RNLS: variants seen among roughly 807,000 people sequenced by gnomAD.
The protein encoded by RNLS is renalase, FAD dependent amine oxidase, also known as renalase.
Under a neutral mutation model 39.8 loss-of-function variants are expected in RNLS, and 39 were observed. That is an observed-to-expected ratio of 0.98 (90% CI 0.76 to 1.28). RNLS has a LOEUF of 1.28. RNLS is among the 50% of genes most tolerant of loss of function. The probability of loss-of-function intolerance (pLI) is 0.00; values close to 1 mark genes in which losing one functional copy is unlikely to be tolerated. For missense variants in RNLS, 410 were observed against 413.3 expected (o/e 0.99, Z 0.07); for synonymous variants, 147 against 150.7 (o/e 0.98, Z 0.18).
At chr10:88,453,026 G>A (rs911192907) in intron 4 of RNLS, among the ~76,000 whole-genome samples, 4 of 152,164 alleles carry the variant, frequency 2.6e-5, no homozygotes, top group Non-Finnish European at 5.9e-5. Flanking sequence ...TGAATGGTTG[G>A]ATAGTGGAGG....
chr10:88,556,310 C>T (rs1184168112), intron 4 of RNLS, among the ~76,000 whole-genome samples: 2 of 152,134 alleles, frequency 1.3e-5, no homozygotes, highest in African/African-American at 2.4e-5. Flanking sequence ...AATGAGGGAT[C>T]CTTGTACATC....
chr10:88,531,354 T>C (rs887152938), intron 4 of RNLS, among the ~76,000 whole-genome samples: 1 of 151,858 alleles, frequency 6.6e-6, no homozygotes, highest in South Asian at 2.1e-4. Flanking sequence ...TTTAAACTCA[T>C]CTTTTAGATA....
At chr10:88,204,381 A>G in the RNLS span, among the ~76,000 whole-genome samples, 1 of 152,138 alleles carries the variant, frequency 6.6e-6, no homozygotes, top group Non-Finnish European at 1.5e-5. Context: ...CGTGTCTTGT[A>G]TGCAGTTGCA....
chr10:88,482,326 C>T (rs1844236381), intron 4 of RNLS, among the ~76,000 whole-genome samples: 1 of 152,080 alleles, frequency 6.6e-6, no homozygotes, highest in Non-Finnish European at 1.5e-5. Context: ...AGGCTCTGCT[C>T]ATTTTCCTTC....
chr10:88,172,625 T>G, the RNLS span, among the ~76,000 whole-genome samples: 12 of 152,248 alleles, frequency 7.9e-5, no homozygotes, highest in East Asian at 1.5e-3. Context: ...TTCTACGGGT[T>G]GTCTCTTCAC....
the RNLS span, among the ~76,000 whole-genome samples, chr10:88,247,823 A>G: frequency 1.3e-5 from 2 of 152,216 alleles, no homozygotes; most frequent in African/African-American, 2.4e-5. Context: ...GAGAGGCAGA[A>G]GAGTCAGTTT....
chr10:88,574,028 C>T (rs1165681483), intron 3 of RNLS, among the ~76,000 whole-genome samples: 4 of 152,070 alleles, frequency 2.6e-5, no homozygotes, highest in African/African-American at 9.7e-5. Context: ...GCAATCCCAG[C>T]TACTAAGCAG....
intron 4 of RNLS, among the ~76,000 whole-genome samples, chr10:88,424,259 T>G (rs1854578413): frequency 6.6e-6 from 1 of 151,856 alleles, no homozygotes; most frequent in African/African-American, 2.4e-5. Flanking sequence ...AATAAATGAG[T>G]GAATGGAAAA....
chr10:88,536,936 T>C (rs1035099132), intron 4 of RNLS, among the ~76,000 whole-genome samples: 2 of 151,550 alleles, frequency 1.3e-5, no homozygotes, highest in African/African-American at 4.9e-5. Context: ...TTGTTTATTG[T>C]TGTATACTCT....
intron 5 of RNLS, among the ~76,000 whole-genome samples, chr10:88,347,469 A>T (rs1285260477): frequency 1.3e-5 from 2 of 152,172 alleles, no homozygotes; most frequent in Non-Finnish European, 2.9e-5. Context: ...AAGGTTATCA[A>T]ATAGATGTCG....
intron 4 of RNLS, among the ~76,000 whole-genome samples, chr10:88,530,430 T>C (rs1298681531): frequency 6.6e-6 from 1 of 152,198 alleles, no homozygotes; most frequent in Non-Finnish European, 1.5e-5. Context: ...TTTAGTTAAT[T>C]GACATTTCTA....
At chr10:88,272,302 A>T (rs747841823), downstream of RNLS, among the ~76,000 whole-genome samples, 1 of 152,068 alleles carries the variant, frequency 6.6e-6, no homozygotes, top group Non-Finnish European at 1.5e-5. Flanking sequence ...CAGCATTCTA[A>T]TTTTCCTTTC....
chr10:88,472,710 T>C (rs1589852762), intron 4 of RNLS, among the ~76,000 whole-genome samples: 2 of 152,188 alleles, frequency 1.3e-5, no homozygotes, highest in East Asian at 1.9e-4. Context: ...TTTGTCTTCA[T>C]AGTGTGTTCC....
the RNLS span, among the ~76,000 whole-genome samples, chr10:88,200,811 T>TA: frequency 2.0e-5 from 3 of 151,984 alleles, no homozygotes; most frequent in East Asian, 5.8e-4. Context: ...TCACTCTGAA[T>TA]ACCATAAGCA....
intron 3 of RNLS, among the ~76,000 whole-genome samples, chr10:88,579,347 T>C (rs1850392644): frequency 6.6e-6 from 1 of 152,186 alleles, no homozygotes; most frequent in South Asian, 2.1e-4. Flanking sequence ...GGCCAGTTTT[T>C]ACAAAGGAAG....
At chr10:88,317,846 G>T (rs1291852531) in intron 5 of RNLS, among the ~76,000 whole-genome samples, 1 of 152,190 alleles carries the variant, frequency 6.6e-6, no homozygotes, top group Non-Finnish European at 1.5e-5. Flanking sequence ...CAAGGGTCTG[G>T]CAGAGATTGA....
intron 4 of RNLS, among the ~76,000 whole-genome samples, chr10:88,448,011 G>C (rs1842141023): frequency 6.6e-6 from 1 of 152,266 alleles, no homozygotes; most frequent in Admixed American, 6.5e-5. Context: ...ATTAATTCAA[G>C]ATGGATTAAA....
chr10:88,550,570 T>C (rs1024653994), intron 4 of RNLS, among the ~76,000 whole-genome samples: 8 of 152,200 alleles, frequency 5.3e-5, no homozygotes, highest in East Asian at 1.9e-4. Context: ...TAAAATCCAA[T>C]TGGATCCTGG....
the RNLS span, among the ~76,000 whole-genome samples, chr10:88,178,826 A>G: frequency 6.6e-6 from 1 of 152,326 alleles, no homozygotes; most frequent in African/African-American, 2.4e-5. Context: ...GGGGAGAAAC[A>G]CATACTATCT....
Sources: gnomAD v4.1 joint callset for allele counts (sites outside exome capture counted in the v4.1 genomes callset) on GRCh38, gnomAD v4.1.1 for gene constraint, MANE v1.5 for transcripts, NCBI Gene and HGNC (gene_info 2026-07-23, HGNC 2026-07-21) for gene names.